SPECC1L: variants seen among roughly 807,000 people sequenced by gnomAD.
The protein encoded by SPECC1L is sperm antigen with calponin homology and coiled-coil domains 1 like.
SPECC1L carries 40 observed loss-of-function variants against 116.8 expected under a neutral mutation model. The ratio of observed to expected loss-of-function variants is 0.34; its 90% CI spans 0.27 to 0.45. SPECC1L has a LOEUF of 0.45. Ranked by LOEUF, SPECC1L falls within the 20% of genes least tolerant of loss-of-function variation. The probability of loss-of-function intolerance (pLI) is 1.00; values close to 1 mark genes in which losing one functional copy is unlikely to be tolerated. For missense variants in SPECC1L, 1,110 were observed against 1,373.6 expected (o/e 0.81, Z 3.03); for synonymous variants, 504 against 500.6 (o/e 1.01, Z -0.09).
intron 2 of SPECC1L, among the ~76,000 whole-genome samples, chr22:24,295,971 C>T (rs1349615577): frequency 6.6e-6 from 1 of 152,108 alleles, no homozygotes; most frequent in Non-Finnish European, 1.5e-5. Context: ...TATACCAGCA[C>T]TGATGACAAC....
intron 4 of SPECC1L, among the ~76,000 whole-genome samples, chr22:24,320,146 C>T (rs149730513): frequency 0.038 from 5,842 of 152,146 alleles, 368 homozygotes; most frequent in African/African-American, 0.13. Context: ...CATGGTGGCA[C>T]GCTCCTGTAA....
intron 16 of SPECC1L, among the ~76,000 whole-genome samples, chr22:24,414,078 A>G (rs2042756337): frequency 6.6e-6 from 1 of 152,182 alleles, no homozygotes; most frequent in Non-Finnish European, 1.5e-5. Context: ...TACAGAGCAG[A>G]GTCTTGGATG....
rs538159449 is a variant in SPECC1L at position 24,278,321 on chromosome 22, A to C, written c.-38+1518A>C. ...GGTTGCAGTGAGCCATGATGGCAGC[A>C]CTATACTGTAGCCTGGGTGTCAGAG... is the stretch of plus-strand genomic sequence containing the variant. On this transcript the variant is annotated intron_variant, in intron 2 of 16. Coordinates refer to ENST00000314328, the MANE Select transcript of SPECC1L (RefSeq NM_015330.6). Among the ~76,000 whole-genome samples the C allele has an allele frequency of 1.2e-4, 18 of 152,354 alleles. No homozygotes were observed. In the South Asian group the frequency reaches 1.9e-3, roughly 16 times the overall value.
At chr22:24,319,597 C>T (rs1051279150) in intron 4 of SPECC1L, among the ~76,000 whole-genome samples, 1 of 152,224 alleles carries the variant, frequency 6.6e-6, no homozygotes, top group Non-Finnish European at 1.5e-5. Flanking sequence ...TAGTGTGACT[C>T]ACTGAATTCT....
At chr22:24,317,025 C>T (rs1477740863) in intron 4 of SPECC1L, among the ~76,000 whole-genome samples, 6 of 116,428 alleles carry the variant, frequency 5.2e-5, no homozygotes, top group Non-Finnish European at 9.6e-5. Flanking sequence ...GGCGGCTGGC[C>T]GGGCGGGGGG....
chr22:24,319,481 G>A (rs1022699748), intron 4 of SPECC1L, among the ~76,000 whole-genome samples: 1 of 152,252 alleles, frequency 6.6e-6, no homozygotes, highest in Admixed American at 6.5e-5. Context: ...TTCAAGATGA[G>A]ATTTGGGTGG....
At chr22:24,327,325 C>G (rs1479764967) in intron 6 of SPECC1L, among the ~76,000 whole-genome samples, 1 of 126,512 alleles carries the variant, frequency 7.9e-6, no homozygotes, top group Non-Finnish European at 1.7e-5. Flanking sequence ...CATATACCAA[C>G]ATCAAATGTA....
intron 14 of SPECC1L, among the ~76,000 whole-genome samples, chr22:24,373,825 A>T (rs1489447279): frequency 1.3e-5 from 2 of 152,216 alleles, no homozygotes; most frequent in African/African-American, 2.4e-5. Flanking sequence ...AACTACCATC[A>T]GAGTGAACAG....
intron 9 of SPECC1L, among the ~76,000 whole-genome samples, chr22:24,335,230 G>A (rs573098252): frequency 4.7e-4 from 71 of 152,258 alleles, no homozygotes; most frequent in African/African-American, 1.5e-3. Flanking sequence ...ACTAATTTCA[G>A]TAACCTCCAA....
At chr22:24,374,941 C>G (rs1460719394) in intron 14 of SPECC1L, among the ~76,000 whole-genome samples, 2 of 151,740 alleles carry the variant, frequency 1.3e-5, no homozygotes, top group Non-Finnish European at 2.9e-5. Context: ...TGACAAACCT[C>G]TAAGTAGATA....
chr22:24,413,169 C>G (rs928200722), intron 16 of SPECC1L, among the ~76,000 whole-genome samples: 1 of 152,298 alleles, frequency 6.6e-6, no homozygotes, highest in Admixed American at 6.5e-5. Flanking sequence ...GAGGCTGGAC[C>G]GGGGAGGCTC....
At chr22:24,414,144 C>T (rs1047001859) in intron 16 of SPECC1L, among the ~76,000 whole-genome samples, 1 of 152,166 alleles carries the variant, frequency 6.6e-6, no homozygotes, top group Non-Finnish European at 1.5e-5. Context: ...TGGGAGCCCC[C>T]GACAGAGAGA....
chr22:24,371,756 C>T (rs997119551), intron 14 of SPECC1L, among the ~76,000 whole-genome samples: 3 of 152,218 alleles, frequency 2.0e-5, no homozygotes, highest in Non-Finnish European at 2.9e-5. Context: ...GAGTCTCATT[C>T]TGTCACCCAG....
intron 14 of SPECC1L, among the ~76,000 whole-genome samples, chr22:24,399,297 A>AT (rs1269463440): frequency 6.6e-6 from 1 of 152,204 alleles, no homozygotes; most frequent in Non-Finnish European, 1.5e-5. Context: ...AGCGCCGGGC[A>AT]TGGTGGCTCA....
At chr22:24,343,193 T>TA (rs994970721) in intron 10 of SPECC1L, among the ~76,000 whole-genome samples, 1 of 151,870 alleles carries the variant, frequency 6.6e-6, no homozygotes, top group Non-Finnish European at 1.5e-5. Flanking sequence ...GACTCCATCT[T>TA]AAAAAAAATT....
intron 3 of SPECC1L, among the ~76,000 whole-genome samples, chr22:24,308,172 A>G (rs999140249): frequency 2.0e-5 from 3 of 152,138 alleles, no homozygotes; most frequent in Non-Finnish European, 2.9e-5. Context: ...CTTTTTTATA[A>G]CCATAGTAAT....
intron 2 of SPECC1L, 135 bp from the exon 3 acceptor site, chr22:24,302,060 A>AT (rs910652510): frequency 5.7e-4 from 385 of 670,326 alleles, no homozygotes; most frequent in African/African-American, 3.9e-3. Context: ...AAAAAAAAAA[A>AT]TTTTTTTTCA....
intron 12 of SPECC1L, among the ~76,000 whole-genome samples, chr22:24,364,639 G>A (rs2041714567): frequency 6.8e-6 from 1 of 146,326 alleles, no homozygotes; most frequent in Non-Finnish European, 1.5e-5. Flanking sequence ...TCCAGCCTGG[G>A]TGACAGAATG....
intron 8 of SPECC1L, among the ~76,000 whole-genome samples, chr22:24,333,925 C>G (rs1205511243): frequency 1.3e-5 from 2 of 151,892 alleles, no homozygotes; most frequent in Non-Finnish European, 2.9e-5. Flanking sequence ...GTATCATTTC[C>G]TGGTATTTAC....
Sources: allele counts gnomAD v4.1 joint callset (sites outside exome capture counted in the v4.1 genomes callset), GRCh38; gene constraint gnomAD v4.1.1; transcripts MANE v1.5; gene names NCBI Gene and HGNC (gene_info 2026-07-23, HGNC 2026-07-21).